SPAG9: variants seen among roughly 807,000 people sequenced by gnomAD.
SPAG9 encodes sperm associated antigen 9.
SPAG9 carries 35 observed loss-of-function variants against 166.5 expected under a neutral mutation model. The observed-to-expected ratio is 0.21, with a 90% CI of 0.16 to 0.28. The LOEUF (loss-of-function observed/expected upper bound fraction) is 0.28, where lower values mean the gene tolerates loss of function less well. SPAG9 is among the 10% of genes least tolerant of loss of function. The pLI, the probability that SPAG9 is intolerant of heterozygous loss-of-function variation, is 1.00. For missense variants in SPAG9, 1,235 were observed against 1,603.3 expected (o/e 0.77, Z 3.92); for synonymous variants, 534 against 565.5 (o/e 0.94, Z 0.79).
Position 50,979,726 on chromosome 17 carries a change from A to G in SPAG9, c.3409+20T>C. 2 of 1,600,146 alleles carry G rather than the reference A, an allele frequency of 1.2e-6. No homozygotes were observed. The highest frequency in any genetic ancestry group is 1.7e-6 in the Non-Finnish European group (2 of 1,168,036). ...AACACCCTCTTTGACTGGTAAAGAT[A>G]AAACGCGTTGGAAGCTTACCTAACA... On this transcript the variant is annotated intron_variant, in intron 26 of 29. Coordinates refer to ENST00000262013, the MANE Select transcript of SPAG9 (RefSeq NM_001130528.3).
At chr17:50,970,993 G>C (rs1973753624) in intron 28 of SPAG9, 137 bp from the exon 29 acceptor site, 1 of 699,094 alleles carries the variant, frequency 1.4e-6, no homozygotes. Context: ...AAGCTAGAAG[G>C]CTCTGCATGA....
chr17:50,981,071 G>C (rs550643263), intron 25 of SPAG9, among the ~76,000 whole-genome samples: 26 of 152,278 alleles, frequency 1.7e-4, no homozygotes, highest in African/African-American at 6.3e-4. Flanking sequence ...ATATGTGTGT[G>C]AGGCACAGGC....
Position 51,079,724 on chromosome 17 carries a change from T to G in SPAG9, c.304-20A>C. 2 of 1,457,594 alleles carry G rather than the reference T, an allele frequency of 1.4e-6. No individual in the cohort carries two copies. Among genetic ancestry groups the G allele is most frequent in the South Asian group, 2.4e-5 (2 of 82,096 alleles). The allele number at this position is 1,457,594 out of a possible 1,614,324, so 90.3% of individuals were successfully genotyped here. On this transcript the variant is annotated intron_variant, in intron 1 of 29. Coordinates refer to ENST00000262013, the MANE Select transcript of SPAG9 (RefSeq NM_001130528.3). Reference sequence around the variant, plus strand: ...GAATTTCTAATAAAGAAGAACAATATAAATTTAATCAGAGAAATTAAACTT... The same window carrying G: ...GAATTTCTAATAAAGAAGAACAATAGAAATTTAATCAGAGAAATTAAACTT...
chr17:51,050,701 G>T (rs1209005302), intron 3 of SPAG9, among the ~76,000 whole-genome samples: 4 of 151,628 alleles, frequency 2.6e-5, no homozygotes, highest in Non-Finnish European at 5.9e-5. Context: ...TATTAATAAG[G>T]CCTCACAGTA....
At chr17:51,077,017 GCTATCTAGCTAT>G (rs1185089644) in intron 2 of SPAG9, among the ~76,000 whole-genome samples, 1,991 of 45,084 alleles carry the variant, frequency 0.044, 62 homozygotes, top group African/African-American at 0.13. Flanking sequence ...TAGCTAGCTA[GCTATCTAGCTAT>G]CTATCTAGCT....
At chr17:51,111,516 T>A (rs2049110861) in intron 1 of SPAG9, among the ~76,000 whole-genome samples, 1 of 152,198 alleles carries the variant, frequency 6.6e-6, no homozygotes, top group South Asian at 2.1e-4. Context: ...ACTTCAGCAA[T>A]CCAGTGAATA....
chr17:51,100,327 A>C (rs1353451522), intron 1 of SPAG9, among the ~76,000 whole-genome samples: 1 of 132,640 alleles, frequency 7.5e-6, no homozygotes, highest in Non-Finnish European at 1.8e-5. Context: ...AACTAGGGTC[A>C]GGCACAGTGG....
intron 1 of SPAG9, among the ~76,000 whole-genome samples, chr17:51,112,671 CA>C (rs1206604151): frequency 0.024 from 1,005 of 41,310 alleles, 2 homozygotes; most frequent in African/African-American, 0.048. Flanking sequence ...TCTGTCTCAA[CA>C]AAAAAAAAAA....
At chr17:51,035,209 T>C (rs1472318296) in intron 5 of SPAG9, among the ~76,000 whole-genome samples, 1 of 152,090 alleles carries the variant, frequency 6.6e-6, no homozygotes, top group Non-Finnish European at 1.5e-5. Flanking sequence ...GGAAAAAGGA[T>C]ATTAGTGGAA....
intron 1 of SPAG9, among the ~76,000 whole-genome samples, chr17:51,107,618 T>G (rs757490954): frequency 6.6e-6 from 1 of 151,692 alleles, no homozygotes; most frequent in African/African-American, 2.4e-5. Flanking sequence ...GCGCCTATAC[T>G]CTCAGCTACT....
chr17:50,970,919 T>C (rs1283013556), intron 28 of SPAG9, 63 bp from the exon 29 acceptor site: 17 of 1,424,052 alleles, frequency 1.2e-5, no homozygotes, highest in Non-Finnish European at 1.5e-5. Context: ...TTTTGTTTTT[T>C]TTTTTTAAGT....
intron 9 of SPAG9, among the ~76,000 whole-genome samples, chr17:51,011,385 C>CA (rs1567995567): frequency 7.2e-6 from 1 of 139,374 alleles, no homozygotes; most frequent in Non-Finnish European, 1.6e-5. Flanking sequence ...AAGCCAAGGA[C>CA]TTTTTTTTTT....
chr17:50,963,669 A>G lies in SPAG9; in HGVS notation c.*2603T>C, dbSNP rs1973218640. 6.6e-6 allele frequency: 1 copy of G among 152,248 alleles called. No individual in the cohort carries two copies. Among genetic ancestry groups the G allele is most frequent in the Non-Finnish European group, 1.5e-5 (1 of 68,040 alleles). The allele number at this position is 152,248 out of a possible 1,614,324, so 9.4% of individuals were successfully genotyped here. On this transcript the variant is annotated 3_prime_UTR_variant, in exon 30 of 30. Transcript: ENST00000262013. ...CTGATTTCCTAAATTACATTCAGTC[A>G]TACAAACATGGCTGAACAACAGCAA...
chr17:50,977,800 C>T (rs555744244), intron 26 of SPAG9, among the ~76,000 whole-genome samples: 1 of 152,168 alleles, frequency 6.6e-6, no homozygotes, highest in Non-Finnish European at 1.5e-5. Flanking sequence ...GGGAGGGTCA[C>T]TTGAGCGCAG....
At chr17:51,072,632 C>T (rs62062977) in intron 2 of SPAG9, among the ~76,000 whole-genome samples, 16,922 of 151,694 alleles carry the variant, frequency 0.11, 1,197 homozygotes, top group Non-Finnish European at 0.16. Flanking sequence ...TGCAGTGAGC[C>T]GAGATCGCGC....
chr17:51,020,073 C>A, intron 8 of SPAG9, 86 bp downstream of exon 8: 1 of 726,588 alleles, frequency 1.4e-6, no homozygotes, highest in South Asian at 1.7e-5. Context: ...CATCTGAATC[C>A]ATTTTGTCCA....
intron 8 of SPAG9, among the ~76,000 whole-genome samples, chr17:51,015,709 T>G (rs1186255538): frequency 6.8e-6 from 1 of 146,190 alleles, no homozygotes; most frequent in Non-Finnish European, 1.5e-5. Context: ...AAAAAGAATT[T>G]GGAAAAAAAA....
intron 8 of SPAG9, among the ~76,000 whole-genome samples, chr17:51,017,967 T>C (rs756714281): frequency 2.6e-5 from 4 of 152,132 alleles, no homozygotes; most frequent in African/African-American, 4.8e-5. Flanking sequence ...TGTATTTTTA[T>C]AGTCATTAAT....
intron 15 of SPAG9, among the ~76,000 whole-genome samples, chr17:50,998,022 A>ATT (rs563896612): frequency 0.038 from 3,434 of 90,662 alleles, 374 homozygotes; most frequent in African/African-American, 0.11. Context: ...TACAGAAATG[A>ATT]TTTTTTTTTT....
Sources: allele counts gnomAD v4.1 joint callset (sites outside exome capture counted in the v4.1 genomes callset), GRCh38; gene constraint gnomAD v4.1.1; transcripts MANE v1.5; gene names NCBI Gene and HGNC (gene_info 2026-07-23, HGNC 2026-07-21).